The following CRLS1 variants were observed in gnomAD, a reference collection of about 807,000 sequenced individuals.
The protein encoded by CRLS1 is cardiolipin synthase 1.
Under a neutral mutation model 37.0 loss-of-function variants are expected in CRLS1, and 24 were observed. The ratio of observed to expected loss-of-function variants is 0.65; its 90% confidence interval spans 0.47 to 0.91. The LOEUF is 0.91. Ranked by LOEUF, CRLS1 falls within the 40% of genes least tolerant of loss-of-function variation. The pLI, the probability that CRLS1 is intolerant of heterozygous loss-of-function variation, is 0.00. For synonymous variants in CRLS1, 135 were observed against 159.7 expected (o/e 0.85, Z 1.17); for missense variants, 373 against 395.8 (o/e 0.94, Z 0.49).
chr20:6,027,693 G>A (rs1252203749), intron 3 of CRLS1, among the ~76,000 whole-genome samples: 7 of 152,188 alleles, frequency 4.6e-5, no homozygotes, highest in African/African-American at 1.4e-4. Flanking sequence ...GGGATTACAG[G>A]TGTGAGCCAC....
chr20:6,008,339 G>A (rs893092062), intron 1 of CRLS1, among the ~76,000 whole-genome samples: 7 of 152,154 alleles, frequency 4.6e-5, no homozygotes, highest in East Asian at 3.8e-4. Flanking sequence ...AGGGAAAGGC[G>A]TTTTCTTGTT....
At position 6,014,065 on chromosome 20, in the gene CRLS1, A is replaced by G. The variant is rs573170337; in HGVS notation, c.445-1296A>G. On this transcript the variant is annotated intron_variant, in intron 2 of 6. Transcript: ENST00000378863. ...TACTTTTCTGTTCGTATGCTTAAGA[A>G]GGAAATAGATTTTTTCAGTTGCAAT... Among the ~76,000 whole-genome samples the G allele has an allele frequency of 2.0e-5, 3 of 152,352 alleles. No homozygotes were observed. In the East Asian group the frequency reaches 5.8e-4, roughly 29 times the overall value.
At chr20:6,014,284 C>A (rs1179487481) in intron 2 of CRLS1, among the ~76,000 whole-genome samples, 1 of 152,136 alleles carries the variant, frequency 6.6e-6, no homozygotes, top group Non-Finnish European at 1.5e-5. Context: ...AGTGGCAGAG[C>A]CAGGACTTGA....
At chr20:6,021,314 G>A (rs374081055) in intron 3 of CRLS1, among the ~76,000 whole-genome samples, 7 of 151,934 alleles carry the variant, frequency 4.6e-5, no homozygotes, top group African/African-American at 1.4e-4. Context: ...TGATCTGCCC[G>A]CCTCGGCCTC....
At chr20:6,016,100 C>G (rs1166251573) in intron 3 of CRLS1, 2 of 154,200 alleles carry the variant, frequency 1.3e-5, no homozygotes, top group Non-Finnish European at 2.9e-5. Context: ...CTGTTTTTTT[C>G]CCAAGAGCTA....
At chr20:6,018,287 A>C (rs552898623) in intron 3 of CRLS1, among the ~76,000 whole-genome samples, 1 of 151,498 alleles carries the variant, frequency 6.6e-6, no homozygotes, top group Admixed American at 6.6e-5. Flanking sequence ...TACTGTTTCT[A>C]ATGTTGATTG....
In CRLS1 at chr20:6,031,292, T is replaced by C. The variant is rs780852715; in HGVS notation, c.582T>C (p.Leu194=). 9 of 1,603,818 alleles carry C rather than the reference T, an allele frequency of 5.6e-6. No individual in the cohort carries two copies. The highest frequency in any genetic ancestry group is 3.4e-5 in the Admixed American group (2 of 58,656). The change falls in exon 4 of 7, where the codon CTT becomes CTC. Residue 194 remains leucine (L), a synonymous_variant. Transcript: ENST00000378863. The stretch of plus-strand genomic sequence containing the variant: ...TTTATGTTTGATTTTCAGTTCCACT[T>C]ACTTACATGATCATTTCGAGAGATG... The part of the protein sequence containing the change: ...LTYADLIPVP[L]TYMIISRDVM...
At chr20:6,027,343 C>G (rs559140779) in intron 3 of CRLS1, among the ~76,000 whole-genome samples, 1 of 152,050 alleles carries the variant, frequency 6.6e-6, no homozygotes, top group South Asian at 2.1e-4. Context: ...CCTCGGCCTC[C>G]CAAAGTGCTG....
At chr20:6,036,721 G>GA (rs777664601) in intron 6 of CRLS1, among the ~76,000 whole-genome samples, 2 of 151,766 alleles carry the variant, frequency 1.3e-5, no homozygotes, top group East Asian at 1.9e-4. Context: ...TCTGGAGGAT[G>GA]AGTCCTTCTG....
Position 6,006,541 on chromosome 20 carries a change from A to G in CRLS1, c.295A>G (p.Thr99Ala). ...GGGCGGCCAGTGGGGCCCGGCGAGCACCCCCAGCCTGGTACGTACCGATGA... is the reference window on the plus strand; with the variant it reads ...GGGCGGCCAGTGGGGCCCGGCGAGCGCCCCCAGCCTGGTACGTACCGATGA... ...APGGQWGPAS[T>A]PSLYENPWTI... Residue 99 changes from threonine to alanine, a missense_variant, in exon 1 of 7, where the codon ACC (threonine) becomes GCC (alanine). Coordinates refer to ENST00000378863, the MANE Select transcript of CRLS1 (RefSeq NM_019095.6). The G allele has an allele frequency of 7.6e-7, 1 of 1,312,194 alleles. No individual in the cohort carries two copies. Among genetic ancestry groups the G allele is most frequent in the Non-Finnish European group, 9.6e-7 (1 of 1,039,312 alleles). 81.3% of individuals were successfully genotyped at this position (1,312,194 alleles called of 1,614,324 possible).
intron 3 of CRLS1, among the ~76,000 whole-genome samples, chr20:6,019,389 T>C (rs1020846255): frequency 1.3e-5 from 2 of 152,142 alleles, no homozygotes; most frequent in Non-Finnish European, 2.9e-5. Flanking sequence ...TTTATTTACT[T>C]ACTACTCCTT....
In CRLS1 at chr20:6,026,846, C is replaced by T. The variant is rs530306381; in HGVS notation, c.575-4439C>T. ...TCTCAGTGTTCGGTATGTAGACCTT[C>T]GCTTGATCCCTATTGCACTCCAGTG... is the stretch of plus-strand genomic sequence containing the variant. On this transcript the variant is annotated intron_variant, in intron 3 of 6. Transcript: ENST00000378863. Among the ~76,000 whole-genome samples the T allele has an allele frequency of 7.2e-5, 11 of 152,218 alleles. No individual in the cohort carries two copies. In the East Asian group the frequency reaches 1.4e-3, roughly 19 times the overall value.
At chr20:6,008,568 T>C (rs1223379577) in intron 1 of CRLS1, among the ~76,000 whole-genome samples, 1 of 152,210 alleles carries the variant, frequency 6.6e-6, no homozygotes, top group Non-Finnish European at 1.5e-5. Context: ...GCTGTGAAAG[T>C]CCTTGGTTTT....
rs182213287 is a variant in CRLS1, at chr20:6,032,621, G to A, written c.729+541G>A. Among the ~76,000 whole-genome samples, 311 of 152,286 alleles carry A rather than the reference G, an allele frequency of 2.0e-3. 2 individuals carry two copies. In the Middle Eastern group the frequency reaches 0.024, roughly 12 times the overall value. ...TTCAGGATTGATAGTTAAGTGGAAA[G>A]GGATAGGAAAATAGGAAAAAGTTTT... On this transcript the variant is annotated intron_variant, in intron 5 of 6. Transcript: ENST00000378863.
intron 4 of CRLS1, among the ~76,000 whole-genome samples, chr20:6,031,584 T>C (rs549697327): frequency 6.6e-6 from 1 of 152,338 alleles, no homozygotes; most frequent in Admixed American, 6.5e-5. Flanking sequence ...AGTCTAGAAT[T>C]GGTTTTAAAA....
chr20:6,036,010 G>C (rs919394132), intron 6 of CRLS1, among the ~76,000 whole-genome samples: 1 of 152,098 alleles, frequency 6.6e-6, no homozygotes, highest in Non-Finnish European at 1.5e-5. Flanking sequence ...TCACCTTGTT[G>C]GTCAGGCTGG....
intron 3 of CRLS1, among the ~76,000 whole-genome samples, chr20:6,027,970 T>G (rs2123004150): frequency 6.6e-6 from 1 of 152,362 alleles, no homozygotes; most frequent in East Asian, 1.9e-4. Flanking sequence ...TAAGCCTGGT[T>G]AAAACTTTGA....
chr20:6,008,458 G>T (rs1410325929), intron 1 of CRLS1, among the ~76,000 whole-genome samples: 1 of 152,220 alleles, frequency 6.6e-6, no homozygotes, highest in Non-Finnish European at 1.5e-5. Flanking sequence ...AGAAGGGGAT[G>T]TTCTTCAGAC....
In CRLS1 at chr20:6,039,246, G is replaced by A. The variant is rs1980790767; in HGVS notation, c.*2088G>A. Reference sequence around the variant, plus strand: ...GGGATTACAGGTGCACACCAACTGTGCTTTGCAGTTTTGTTTGTGTGTGTG... The same window carrying A: ...GGGATTACAGGTGCACACCAACTGTACTTTGCAGTTTTGTTTGTGTGTGTG... On this transcript the variant is annotated 3_prime_UTR_variant, in exon 7 of 7. Coordinates refer to ENST00000378863, the MANE Select transcript of CRLS1 (RefSeq NM_019095.6). The A allele has an allele frequency of 6.6e-6, 1 of 150,842 alleles. No homozygotes were observed. Among genetic ancestry groups the A allele is most frequent in the South Asian group, 2.1e-4 (1 of 4,774 alleles). The allele number at this position is 150,842 out of a possible 1,614,324, so 9.3% of individuals were successfully genotyped here.
Sources: allele counts gnomAD v4.1 joint callset (sites outside exome capture counted in the v4.1 genomes callset), GRCh38; gene constraint gnomAD v4.1.1; transcripts MANE v1.5; gene names NCBI Gene and HGNC (gene_info 2026-07-23, HGNC 2026-07-21).